The following NEK5 variants were observed in gnomAD, a reference collection of about 807,000 sequenced individuals.
NEK5 encodes the protein serine/threonine-protein kinase Nek5.
In NEK5, 88 loss-of-function variants were observed where a neutral mutation model predicts 109.2. The observed-to-expected ratio is 0.81, with a 90% CI of 0.68 to 0.96. The LOEUF is 0.96. NEK5 is among the 40% of genes least tolerant of loss of function. The pLI, the probability that NEK5 is intolerant of heterozygous loss-of-function variation, is 0.00. For missense variants in NEK5, 834 were observed against 920.7 expected, an observed-to-expected ratio of 0.91 and a Z score of 1.22; for synonymous variants, 283 against 299.9, an observed-to-expected ratio of 0.94 and a Z score of 0.58.
intron 23 of NEK5, among the ~76,000 whole-genome samples, chr13:52,042,836 T>C (rs1954425032): frequency 6.6e-6 from 1 of 151,514 alleles, no homozygotes; most frequent in Non-Finnish European, 1.5e-5. Flanking sequence ...TATAGAAAAG[T>C]TTGTCAACCA....
intron 17 of NEK5, chr13:52,082,234 G>A (rs1346329875): frequency 2.8e-6 from 1 of 359,622 alleles, no homozygotes. Context: ...AGAATCGCTT[G>A]AACCTGGGAG....
At position 52,034,786 on chromosome 13, in the gene NEK5, ATCC is replaced by A. The variant is rs1487845934; in HGVS notation, c.*2159_*2161del. The A allele has an allele frequency of 7.0e-6, 1 of 142,882 alleles. No homozygotes were observed. The highest frequency in any genetic ancestry group is 1.5e-5 in the Non-Finnish European group (1 of 66,884). 8.9% of individuals were successfully genotyped at this position (142,882 alleles called of 1,614,324 possible). A position where few individuals can be genotyped will look rare whatever the true frequency, so the allele number is the denominator to read the frequency against. Reference sequence around the variant, plus strand: ...GGTCTCAAACTCCTGGGCTCAAGCGATCCTCCTGCCTCAGCCTCTCAAAGTGTT... The same window carrying A: ...GGTCTCAAACTCCTGGGCTCAAGCGATCCTGCCTCAGCCTCTCAAAGTGTT... On this transcript the variant is annotated 3_prime_UTR_variant, in exon 24 of 24. Transcript: ENST00000684899.
In NEK5 at chr13:52,065,279, T is replaced by G. The variant is rs577468418; in HGVS notation, c.1975+205A>C. 1.7e-4 allele frequency: 121 copies of G among 725,654 alleles called. No homozygotes were observed. In the African/African-American group the frequency reaches 1.9e-3, roughly 11 times the overall value. The allele number at this position is 725,654 out of a possible 1,614,324, so 45.0% of individuals were successfully genotyped here. A position where few individuals can be genotyped will look rare whatever the true frequency, so the allele number is the denominator to read the frequency against. On this transcript the variant is annotated intron_variant, in intron 21 of 23. Coordinates refer to ENST00000684899, the MANE Select transcript of NEK5 (RefSeq NM_001365552.1). ...GGATTTTTCCTCCTTTATATGTGCA[T>G]GTCTAGAGTGGTCATTTGTCCAGGA...
rs1352657526 is a variant in NEK5 at position 52,110,571 on chromosome 13, CGAGGATCTATAGA to C, written c.313-7_318del. ...CCTAGAGAAATCTGTACAAACCAAC[CGAGGATCTATAGA>C]GAGAACACAAAACAAAGCCACTGAA... On this transcript the variant is annotated splice_acceptor_variant and splice_polypyrimidine_tract_variant and coding_sequence_variant and intron_variant, in exon 6 of 24. Transcript: ENST00000684899. LOFTEE classifies it high-confidence loss of function. 6.2e-7 allele frequency: 1 copy of C among 1,606,224 alleles called. No homozygotes were observed. Among genetic ancestry groups the C allele is most frequent in the African/African-American group, 1.3e-5 (1 of 74,678 alleles).
Position 52,061,858 on chromosome 13 carries a change from GTGC to G in NEK5, c.2068_2070del (p.Ala690del). ...GCAGAAAATGAGCTACTCGTTAGAT[GTGC>G]TGCTGCCAAAACACTCATTAAAGTT... On this transcript the variant is annotated inframe_deletion, in exon 22 of 24. Coordinates refer to ENST00000684899, the MANE Select transcript of NEK5 (RefSeq NM_001365552.1). 4.1e-6 allele frequency: 4 copies of G among 985,784 alleles called. No homozygotes were observed. In the South Asian group the frequency reaches 1.9e-4, roughly 46 times the overall value. The allele number at this position is 985,784 out of a possible 1,614,324, so 61.1% of individuals were successfully genotyped here.
Position 52,037,941 on chromosome 13 carries a change from G to T in NEK5, c.2229-723C>A, listed in dbSNP as rs566498191. Among the ~76,000 whole-genome samples the T allele has an allele frequency of 6.8e-5, 10 of 147,364 alleles. No individual in the cohort carries two copies. The South Asian group carries it at 2.2e-3, about 32-fold the overall frequency. Reference sequence around the variant, plus strand: ...CCGTCTCAAAAAAAAAAAATGTGTTGAAGGTCTCACAGCTACTAATTCATA... The same window carrying T: ...CCGTCTCAAAAAAAAAAAATGTGTTTAAGGTCTCACAGCTACTAATTCATA... On this transcript the variant is annotated intron_variant, in intron 23 of 23. Coordinates refer to ENST00000684899, the MANE Select transcript of NEK5 (RefSeq NM_001365552.1).
intron 22 of NEK5, among the ~76,000 whole-genome samples, chr13:52,057,958 G>T (rs1271856622): frequency 3.3e-5 from 5 of 151,648 alleles, no homozygotes; most frequent in African/African-American, 7.3e-5. Context: ...CCAGGGCAAT[G>T]AGGCAGGAGA....
At chr13:52,068,501 A>G (rs1407022490) in intron 20 of NEK5, among the ~76,000 whole-genome samples, 1 of 148,088 alleles carries the variant, frequency 6.8e-6, no homozygotes, top group African/African-American at 2.5e-5. Context: ...ACACACTCAT[A>G]TATATTTGCT....
chr13:52,114,508 C>A (rs539887347), intron 4 of NEK5, among the ~76,000 whole-genome samples: 11 of 152,306 alleles, frequency 7.2e-5, no homozygotes, highest in Non-Finnish European at 1.5e-4. Flanking sequence ...CTTTAAGAGA[C>A]GATCCATTCA....
In NEK5 at chr13:52,087,374, C is replaced by T; in HGVS notation, c.1356G>A (p.Gln452=). The T allele has an allele frequency of 2.5e-6, 4 of 1,609,554 alleles. No individual in the cohort carries two copies. The highest frequency in any genetic ancestry group is 3.4e-6 in the Non-Finnish European group (4 of 1,176,206). The change falls in exon 15 of 24, where the codon CAG becomes CAA. Residue 452 remains glutamine (Q), a synonymous_variant. Coordinates refer to ENST00000684899, the MANE Select transcript of NEK5 (RefSeq NM_001365552.1). Reference sequence around the variant, plus strand: ...TTTCGTTTTTCCTAAATGGCAGCTCCTGGAATCTAGGCTCTTCTCCATTAC... The same window carrying T: ...TTTCGTTTTTCCTAAATGGCAGCTCTTGGAATCTAGGCTCTTCTCCATTAC... ...LRSNGEEPRF[Q]ELPFRKNEMK...
chr13:52,093,303 TAACCCTAGC>T (rs1277295787), intron 12 of NEK5, 68 bp from the exon 13 acceptor site: 1 of 1,187,842 alleles, frequency 8.4e-7, no homozygotes, highest in Non-Finnish European at 1.2e-6. Context: ...CTCACACCTG[TAACCCTAGC>T]ACTTTGGGAG....
chr13:52,084,433 G>A (rs987351316), intron 16 of NEK5, among the ~76,000 whole-genome samples: 7 of 151,978 alleles, frequency 4.6e-5, no homozygotes, highest in African/African-American at 1.2e-4. Context: ...TGCCCAGGCC[G>A]GTCTCAAACT....
chr13:52,116,667 G>C (rs918969861), intron 4 of NEK5, among the ~76,000 whole-genome samples: 1 of 152,132 alleles, frequency 6.6e-6, no homozygotes, highest in South Asian at 2.1e-4. Flanking sequence ...TAATAAATAG[G>C]TGTTGTTGTT....
At chr13:52,073,823 C>A (rs1954820413) in intron 19 of NEK5, among the ~76,000 whole-genome samples, 1 of 152,014 alleles carries the variant, frequency 6.6e-6, no homozygotes, top group Non-Finnish European at 1.5e-5. Flanking sequence ...GATTCCTATA[C>A]ACCAATAACA....
chr13:52,041,599 A>C (rs1480792258), intron 23 of NEK5, among the ~76,000 whole-genome samples: 1 of 151,764 alleles, frequency 6.6e-6, no homozygotes, highest in Non-Finnish European at 1.5e-5. Flanking sequence ...GTGGTGGCAC[A>C]AGCCTGTAAT....
chr13:52,068,902 C>T lies in NEK5; in HGVS notation c.1849+3042G>A, dbSNP rs1159068396. Among the ~76,000 whole-genome samples, 5 of 150,876 alleles carry T rather than the reference C, an allele frequency of 3.3e-5. No homozygotes were observed. In the East Asian group the frequency reaches 5.9e-4, roughly 18 times the overall value. Reference sequence around the variant, plus strand: ...AGGAGAATCGCTTGAACCCAGGAGGCGGAGGTTACAGTGAGCCAAGATTGT... The same window carrying T: ...AGGAGAATCGCTTGAACCCAGGAGGTGGAGGTTACAGTGAGCCAAGATTGT... On this transcript the variant is annotated intron_variant, in intron 20 of 23. Transcript: ENST00000684899.
chr13:52,063,995 G>GT (rs1491318292), intron 21 of NEK5, among the ~76,000 whole-genome samples: 2 of 63,336 alleles, frequency 3.2e-5, no homozygotes, highest in African/African-American at 8.3e-5. Flanking sequence ...CGGGAGGGAG[G>GT]TGGGGGGGGG....
intron 17 of NEK5, among the ~76,000 whole-genome samples, chr13:52,079,786 C>T (rs1954944706): frequency 1.4e-5 from 2 of 146,700 alleles, no homozygotes; most frequent in African/African-American, 5.0e-5. Context: ...AGGAGCCCCT[C>T]TGCCTGGCTG....
intron 23 of NEK5, among the ~76,000 whole-genome samples, chr13:52,043,754 A>G (rs976070915): frequency 6.6e-6 from 1 of 152,220 alleles, no homozygotes; most frequent in Non-Finnish European, 1.5e-5. Flanking sequence ...CTTCACACCT[A>G]GTAGATGGGT....
Sources: gnomAD v4.1 joint callset for allele counts (sites outside exome capture counted in the v4.1 genomes callset) on GRCh38, gnomAD v4.1.1 for gene constraint, MANE v1.5 for transcripts, NCBI Gene and HGNC (gene_info 2026-07-23, HGNC 2026-07-21) for gene names.